Variants in KCNN1 observed in about 807,000 individuals in gnomAD.
KCNN1 encodes potassium calcium-activated channel subfamily N member 1, also known as small conductance calcium-activated potassium channel protein 1.
KCNN1 carries 20 observed loss-of-function variants against 44.7 expected under a neutral mutation model. The ratio of observed to expected loss-of-function variants is 0.45; its 90% confidence interval spans 0.32 to 0.65. The LOEUF is 0.65. Among genes scored for constraint, KCNN1 ranks in the 30% least tolerant of loss-of-function variants. The pLI is 0.05. For missense variants in KCNN1, 632 were observed against 785.3 expected, an observed-to-expected ratio of 0.80 and a Z score of 2.33; for synonymous variants, 324 against 341.7, an observed-to-expected ratio of 0.95 and a Z score of 0.57.
chr19:17,968,822 A>C (rs1467846787), intron 1 of KCNN1, among the ~76,000 whole-genome samples: 1 of 152,122 alleles, frequency 6.6e-6, no homozygotes, highest in Non-Finnish European at 1.5e-5. Context: ...AAAGTAAGGC[A>C]ATATCAAAGA....
chr19:17,971,938 G>A (rs907409360), intron 1 of KCNN1: 2 of 152,062 alleles, frequency 1.3e-5, no homozygotes, highest in African/African-American at 4.8e-5. Flanking sequence ...GGGAGGACGA[G>A]GAGGAAGGAT....
rs554960069 is a variant in KCNN1 at position 17,983,340 on chromosome 19, C to T, written c.917+1213C>T. Among the ~76,000 whole-genome samples, 52 of 152,282 alleles carry T rather than the reference C, an allele frequency of 3.4e-4. No homozygotes were observed. In the East Asian group the frequency reaches 7.9e-3, roughly 23 times the overall value. On this transcript the variant is annotated intron_variant, in intron 4 of 9. Coordinates refer to ENST00000684775, the MANE Select transcript of KCNN1 (RefSeq NM_001386974.1). The surrounding 1 kb of genome is among the most constrained non-coding windows in gnomAD (Gnocchi z 4.5). ...GGACCCCTGCTTGCCCTCAGCACCC[C>T]ATCCTCATCCCTCCACCCAGCCCCC... is the stretch of plus-strand genomic sequence containing the variant.
intron 2 of KCNN1, among the ~76,000 whole-genome samples, chr19:17,958,983 A>T (rs2031612731): frequency 6.7e-6 from 1 of 148,286 alleles, no homozygotes; most frequent in African/African-American, 2.5e-5. Context: ...TACAGGCGTG[A>T]GCCACCACGT....
chr19:17,953,771 A>G (rs1044763201), intron 1 of KCNN1, among the ~76,000 whole-genome samples: 1 of 152,196 alleles, frequency 6.6e-6, no homozygotes, highest in African/African-American at 2.4e-5. Context: ...TCTACAAAAA[A>G]TTAAAAAAAT....
chr19:17,977,843 C>T (rs2032256028), intron 3 of KCNN1, among the ~76,000 whole-genome samples: 1 of 152,026 alleles, frequency 6.6e-6, no homozygotes, highest in South Asian at 2.1e-4. Context: ...ATGGATGAAC[C>T]TCAGAAATAC....
At chr19:17,991,603 C>T (rs761359820) in intron 7 of KCNN1, among the ~76,000 whole-genome samples, 9 of 150,300 alleles carry the variant, frequency 6.0e-5, no homozygotes, top group Non-Finnish European at 1.0e-4. Context: ...CATGGTGGCA[C>T]GTGCCTGTAG....
chr19:17,991,074 GGAGGCCAAGGAGGGAAGACTGATT>G (rs1183235924), intron 7 of KCNN1, among the ~76,000 whole-genome samples: 1 of 151,226 alleles, frequency 6.6e-6, no homozygotes, highest in East Asian at 1.9e-4. Context: ...CTGCACTTTG[GGAGGCCAAGGAGGGAAGACTGATT>G]GAGGCCAAGA....
At chr19:17,989,635 T>A in intron 6 of KCNN1, 81 bp from the exon 7 acceptor site, 1 of 1,594,288 alleles carries the variant, frequency 6.3e-7, no homozygotes, top group Non-Finnish European at 8.6e-7. Flanking sequence ...TTTCTAGAGG[T>A]TTCTGGAAGA....
intron 7 of KCNN1, 96 bp from the exon 8 acceptor site, chr19:17,992,958 C>A: frequency 6.6e-7 from 1 of 1,510,142 alleles, no homozygotes; most frequent in Non-Finnish European, 9.1e-7. Flanking sequence ...AGGGTGGCAT[C>A]CCCGGGAGGT....
chr19:17,986,954 C>T (rs758007812), intron 5 of KCNN1, among the ~76,000 whole-genome samples: 8 of 152,048 alleles, frequency 5.3e-5, no homozygotes, highest in Admixed American at 2.6e-4. Context: ...TTACAGGCGC[C>T]TGCCACCAGG....
chr19:17,971,574 T>G (rs2032025355), intron 1 of KCNN1, among the ~76,000 whole-genome samples: 1 of 152,064 alleles, frequency 6.6e-6, no homozygotes. Context: ...GCGATTCTCC[T>G]GTCTCAACCT....
At chr19:17,966,042 TTCCTTCC>T (rs1341379132), upstream of KCNN1, among the ~76,000 whole-genome samples, 2 of 143,892 alleles carry the variant, frequency 1.4e-5, no homozygotes, top group Non-Finnish European at 3.1e-5. Context: ...CCTTCCTTCC[TTCCTTCC>T]TTCCTTCCTT....
intron 1 of KCNN1, among the ~76,000 whole-genome samples, chr19:17,953,296 C>G (rs1420655015): frequency 6.6e-6 from 1 of 152,288 alleles, no homozygotes; most frequent in Admixed American, 6.5e-5. Context: ...TTTACTCCGA[C>G]GCAGCAACCC....
Position 17,981,861 on chromosome 19 carries a change from C to T in KCNN1, c.651C>T (p.Tyr217=), listed in dbSNP as rs35007181. ...GGACGGCGCGGCTGGCCTTCACGTA[C>T]GCGCCCTCGGTGGCCGAGGCCGACG... The part of the protein sequence containing the change: ...FTWTARLAFT[Y]APSVAEADVD... Residue 217 remains tyrosine (Y), a synonymous_variant, in exon 4 of 10, where the codon TAC becomes TAT. Transcript: ENST00000684775. The T allele has an allele frequency of 5.4e-5, 87 of 1,612,516 alleles. No individual in the cohort carries two copies. In the African/African-American group the frequency reaches 8.8e-4, roughly 16 times the overall value.
intron 3 of KCNN1, among the ~76,000 whole-genome samples, chr19:17,979,169 C>T (rs1371610484): frequency 6.7e-6 from 1 of 148,524 alleles, no homozygotes; most frequent in Non-Finnish European, 1.5e-5. Flanking sequence ...AGGCCGGGCT[C>T]ACGACTGTAA....
chr19:17,961,949 G>A (rs1568445616), intron 2 of KCNN1, among the ~76,000 whole-genome samples: 1 of 152,136 alleles, frequency 6.6e-6, no homozygotes, highest in Non-Finnish European at 1.5e-5. Flanking sequence ...ATTTTGGGGG[G>A]TCACGATTCA....
chr19:17,952,281 T>A (rs990900824), intron 1 of KCNN1: 2 of 152,046 alleles, frequency 1.3e-5, no homozygotes, highest in Non-Finnish European at 2.9e-5. Flanking sequence ...GGCCGTGCAC[T>A]TGTCTTCGCG....
intron 3 of KCNN1, among the ~76,000 whole-genome samples, chr19:17,975,398 A>C (rs1448629754): frequency 6.6e-6 from 1 of 152,202 alleles, no homozygotes; most frequent in East Asian, 1.9e-4. Context: ...GATTATTTAC[A>C]AAAAAGAACA....
intron 5 of KCNN1, among the ~76,000 whole-genome samples, chr19:17,988,154 C>CAAAAAAAA (rs59928660): frequency 7.5e-5 from 4 of 53,532 alleles, no homozygotes; most frequent in East Asian, 5.2e-4. Flanking sequence ...GACTCCATCT[C>CAAAAAAAA]AAAAAAAAAA....
Sources: gnomAD v4.1 joint callset for allele counts (sites outside exome capture counted in the v4.1 genomes callset) on GRCh38, gnomAD v4.1.1 for gene constraint, Gnocchi (gnomAD v3.1) non-coding constraint, MANE v1.5 for transcripts, NCBI Gene and HGNC (gene_info 2026-07-23, HGNC 2026-07-21) for gene names.